Variants in SNX25 observed in about 807,000 individuals in gnomAD.
The protein encoded by SNX25 is sorting nexin-25.
SNX25 carries 62 observed loss-of-function variants against 113.7 expected under a neutral mutation model. The observed-to-expected ratio is 0.55, with a 90% CI of 0.44 to 0.67. The LOEUF (loss-of-function observed/expected upper bound fraction) is 0.67. SNX25 is among the 30% of genes least tolerant of loss of function. SNX25 has a pLI of 0.00. For missense variants in SNX25, 1,014 were observed against 1,161.0 expected, an observed-to-expected ratio of 0.87 and a Z score of 1.84; for synonymous variants, 421 against 436.2, an observed-to-expected ratio of 0.97 and a Z score of 0.43.
At chr4:185,275,004 G>A (rs73873420) in intron 5 of SNX25, among the ~76,000 whole-genome samples, 3,946 of 152,268 alleles carry the variant, frequency 0.026, 82 homozygotes, top group South Asian at 0.06. Context: ...CTTCAAGTGT[G>A]GAGATAACCC....
intron 6 of SNX25, among the ~76,000 whole-genome samples, chr4:185,302,103 T>G (rs1753776190): frequency 1.3e-5 from 2 of 149,582 alleles, no homozygotes; most frequent in African/African-American, 2.5e-5. Context: ...TTTTTTTGTT[T>G]TTTTTTTTTT....
chr4:185,259,155 C>T (rs1746880445), intron 3 of SNX25, 91 bp downstream of exon 3: 2 of 1,045,094 alleles, frequency 1.9e-6, no homozygotes, highest in African/African-American at 1.6e-5. Flanking sequence ...CTAGAATATT[C>T]TGCCTATTGC....
At chr4:185,236,510 T>C (rs1401823388) in intron 1 of SNX25, among the ~76,000 whole-genome samples, 1 of 150,576 alleles carries the variant, frequency 6.6e-6, no homozygotes, top group Admixed American at 6.8e-5. Flanking sequence ...ACCAGTAGCA[T>C]AACAGTGGCC....
intron 12 of SNX25, among the ~76,000 whole-genome samples, chr4:185,346,209 C>A (rs1240438778): frequency 6.6e-6 from 1 of 152,208 alleles, no homozygotes; most frequent in Non-Finnish European, 1.5e-5. Flanking sequence ...AAACACAACA[C>A]CTTCTAGTTG....
chr4:185,280,539 C>CAT (rs1750418752), intron 5 of SNX25, among the ~76,000 whole-genome samples: 1 of 152,118 alleles, frequency 6.6e-6, no homozygotes, highest in Non-Finnish European at 1.5e-5. Context: ...CTTCAATGAA[C>CAT]ATATGCTACT....
At chr4:185,314,764 A>G (rs2095057626) in intron 7 of SNX25, among the ~76,000 whole-genome samples, 1 of 151,506 alleles carries the variant, frequency 6.6e-6, no homozygotes, top group South Asian at 2.1e-4. Context: ...AGGCTGCGGC[A>G]GAAGAATCAC....
chr4:185,219,253 G>A (rs1412682761), intron 1 of SNX25, among the ~76,000 whole-genome samples: 1 of 152,120 alleles, frequency 6.6e-6, no homozygotes. Context: ...CTCTCACTTA[G>A]GCATGTTTTT....
rs1751595940 is a variant in SNX25, at chr4:185,288,083, G to T, written c.1162+1G>T. 2 of 1,612,086 alleles carry T rather than the reference G, an allele frequency of 1.2e-6. No homozygotes were observed. The highest frequency in any genetic ancestry group is 1.7e-6 in the Non-Finnish European group (2 of 1,179,018). On this transcript the variant is annotated splice_donor_variant, in intron 6 of 18. Transcript: ENST00000652585. LOFTEE classifies it high-confidence loss of function. ...TTTCCCCAACTGAAGAGGCACAAAG[G>T]TAAGAGCCAGGTTGTTTTCTTCAGT...
At chr4:185,241,039 G>A (rs1313338161) in intron 1 of SNX25, among the ~76,000 whole-genome samples, 2 of 150,670 alleles carry the variant, frequency 1.3e-5, no homozygotes, top group East Asian at 2.0e-4. Context: ...GACGATGGGC[G>A]GCCAGGCAGA....
intron 1 of SNX25, among the ~76,000 whole-genome samples, chr4:185,235,525 GA>G (rs1233286664): frequency 6.6e-6 from 1 of 152,216 alleles, no homozygotes; most frequent in Admixed American, 6.5e-5. Flanking sequence ...TTCAAGGCCA[GA>G]AAAGCTGAGA....
At chr4:185,361,277 A>G (rs2095362378) in intron 16 of SNX25, among the ~76,000 whole-genome samples, 1 of 152,166 alleles carries the variant, frequency 6.6e-6, no homozygotes, top group Admixed American at 6.5e-5. Context: ...CAGTCTTTAA[A>G]TGGATTTATG....
intron 9 of SNX25, 62 bp downstream of exon 9, chr4:185,323,862 G>A: frequency 1.3e-6 from 2 of 1,570,578 alleles, no homozygotes; most frequent in Non-Finnish European, 1.7e-6. Flanking sequence ...TGTTTAAGTG[G>A]GTGCATATTG....
rs1173045167 is a variant in SNX25 at position 185,302,105 on chromosome 4, T to TG, written c.1163-8530_1163-8529insG. Among the ~76,000 whole-genome samples the TG allele has an allele frequency of 4.0e-5, 6 of 150,004 alleles. No individual in the cohort carries two copies. In the South Asian group the frequency reaches 8.4e-4, roughly 21 times the overall value. On this transcript the variant is annotated intron_variant, in intron 6 of 18. Coordinates refer to ENST00000652585, the MANE Select transcript of SNX25 (RefSeq NM_001378034.2). ...TGTGTGTGTGTGTTTTTTTTGTTTT[T>TG]TTTTTTTTTTAGTAGAGACAGGGTT... is the stretch of plus-strand genomic sequence containing the variant.
intron 11 of SNX25, among the ~76,000 whole-genome samples, chr4:185,340,665 T>C (rs2095255102): frequency 6.6e-6 from 1 of 152,178 alleles, no homozygotes; most frequent in African/African-American, 2.4e-5. Flanking sequence ...TGTTACCTCC[T>C]CAGTTTTGCT....
intron 7 of SNX25, among the ~76,000 whole-genome samples, chr4:185,313,412 A>G (rs2095046291): frequency 6.6e-6 from 1 of 152,230 alleles, no homozygotes; most frequent in African/African-American, 2.4e-5. Flanking sequence ...TAGAGTGTAC[A>G]TGAAGCGAAA....
chr4:185,223,254 G>C (rs1027562527), intron 1 of SNX25, among the ~76,000 whole-genome samples: 1 of 152,038 alleles, frequency 6.6e-6, no homozygotes, highest in African/African-American at 2.4e-5. Context: ...GAACATAATA[G>C]TTTAGTCTTG....
At chr4:185,260,952 G>A (rs563496718) in intron 3 of SNX25, among the ~76,000 whole-genome samples, 1 of 152,270 alleles carries the variant, frequency 6.6e-6, no homozygotes, top group Admixed American at 6.5e-5. Context: ...ACCTCTGCAA[G>A]CACCTGCTAA....
intron 13 of SNX25, among the ~76,000 whole-genome samples, chr4:185,350,055 C>T (rs1334036777): frequency 6.6e-6 from 1 of 152,208 alleles, no homozygotes; most frequent in African/African-American, 2.4e-5. Flanking sequence ...CTGCCCATCC[C>T]CCTTAATCTC....
In SNX25 at chr4:185,356,463, A is replaced by G. The variant is rs971643491; in HGVS notation, c.2585-1208A>G. 2.0e-5 allele frequency among the ~76,000 whole-genome samples: 3 copies of G among 152,190 alleles called. No individual in the cohort carries two copies. In the East Asian group the frequency reaches 5.8e-4, roughly 29 times the overall value. On this transcript the variant is annotated intron_variant, in intron 15 of 18. Coordinates refer to ENST00000652585, the MANE Select transcript of SNX25 (RefSeq NM_001378034.2). ...ATCCCAGCCTCAATGCCAACCTAAA[A>G]TGAACATGCTTGGCAGCATTCCAGC...
Sources: gnomAD v4.1 joint callset for allele counts (sites outside exome capture counted in the v4.1 genomes callset) on GRCh38, gnomAD v4.1.1 for gene constraint, MANE v1.5 for transcripts, NCBI Gene and HGNC (gene_info 2026-07-23, HGNC 2026-07-21) for gene names.